The following MEGF6 variants were observed in gnomAD, a reference collection of about 807,000 sequenced individuals.
MEGF6 encodes multiple epidermal growth factor-like domains protein 6.
In MEGF6, 184 loss-of-function variants were observed where a neutral mutation model predicts 207.1. That is an observed-to-expected ratio of 0.89 (90% CI 0.79 to 1.00). The LOEUF (loss-of-function observed/expected upper bound fraction) is 1.00, where lower values mean the gene tolerates loss of function less well. Among genes scored for constraint, MEGF6 ranks in the 50% least tolerant of loss-of-function variants. The pLI, the probability that MEGF6 is intolerant of heterozygous loss-of-function variation, is 0.00. For synonymous variants in MEGF6, 1,038 were observed against 910.0 expected, an observed-to-expected ratio of 1.14 and a Z score of -2.53; for missense variants, 2,282 against 2,202.9, an observed-to-expected ratio of 1.04 and a Z score of -0.72.
At chr1:3,571,172 G>C (rs1445397641) in intron 4 of MEGF6, among the ~76,000 whole-genome samples, 1 of 152,104 alleles carries the variant, frequency 6.6e-6, no homozygotes, top group Non-Finnish European at 1.5e-5. Context: ...CATGGCCAGT[G>C]GCTGGGTTTT....
chr1:3,516,129 T>C (rs1469177157), intron 5 of MEGF6, among the ~76,000 whole-genome samples: 4 of 152,326 alleles, frequency 2.6e-5, no homozygotes, highest in African/African-American at 4.8e-5. Flanking sequence ...GCATTGCCCA[T>C]GCCCCCATTC....
intron 4 of MEGF6, among the ~76,000 whole-genome samples, chr1:3,567,009 G>C (rs780195750): frequency 6.6e-6 from 1 of 152,240 alleles, no homozygotes; most frequent in African/African-American, 2.4e-5. Context: ...AGGCCGTCCT[G>C]GCCAGGTGTA....
intron 4 of MEGF6, among the ~76,000 whole-genome samples, chr1:3,558,276 C>T (rs1643093877): frequency 6.6e-6 from 1 of 152,204 alleles, no homozygotes; most frequent in Non-Finnish European, 1.5e-5. Flanking sequence ...TCTCCCACTC[C>T]ACCAACTGGT....
At chr1:3,531,367 C>T (rs920363805) in intron 4 of MEGF6, 6 of 1,185,016 alleles carry the variant, frequency 5.1e-6, no homozygotes, top group Non-Finnish European at 6.3e-6. Context: ...CGCGCAATCC[C>T]AGCCCCGGGA....
intron 4 of MEGF6, among the ~76,000 whole-genome samples, chr1:3,550,824 C>T (rs892242707): frequency 6.6e-6 from 1 of 152,264 alleles, no homozygotes. Context: ...GGGGCCCACA[C>T]CCCCACCGCC....
chr1:3,523,675 C>T (rs374150109), intron 5 of MEGF6, among the ~76,000 whole-genome samples: 5 of 152,204 alleles, frequency 3.3e-5, no homozygotes, highest in Admixed American at 6.5e-5. Flanking sequence ...CAGGCCTCCT[C>T]GGCCAGCGTC....
chr1:3,517,302 C>T (rs1445108290), intron 5 of MEGF6, among the ~76,000 whole-genome samples: 2 of 152,304 alleles, frequency 1.3e-5, no homozygotes, highest in African/African-American at 4.8e-5. Context: ...CTCATCACCC[C>T]CTCCAGACAG....
At chr1:3,562,045 C>G (rs1241682436) in intron 4 of MEGF6, among the ~76,000 whole-genome samples, 1 of 152,222 alleles carries the variant, frequency 6.6e-6, no homozygotes, top group Non-Finnish European at 1.5e-5. Context: ...TGCTTAGCGG[C>G]TGCCCCAAAC....
chr1:3,542,009 G>T (rs950815684), intron 4 of MEGF6, among the ~76,000 whole-genome samples: 1 of 152,218 alleles, frequency 6.6e-6, no homozygotes, highest in African/African-American at 2.4e-5. Context: ...GCCGGGTCCG[G>T]CACCGAGAAG....
intron 23 of MEGF6, 95 bp downstream of exon 23, chr1:3,499,493 T>C: frequency 6.6e-7 from 1 of 1,508,098 alleles, no homozygotes; most frequent in Non-Finnish European, 8.9e-7. Flanking sequence ...CCTGGTAGCT[T>C]CAGACACTCA....
chr1:3,555,303 A>G (rs1643000726), intron 4 of MEGF6, among the ~76,000 whole-genome samples: 1 of 152,294 alleles, frequency 6.6e-6, no homozygotes, highest in Non-Finnish European at 1.5e-5. Flanking sequence ...ACCCACGCTC[A>G]GCTGGAAGCC....
In MEGF6 at chr1:3,490,499, G is replaced by C. The variant is rs148769380; in HGVS notation, c.*29C>G. The C allele has an allele frequency of 8.2e-4, 1,322 of 1,611,316 alleles. 5 individuals carry two copies. In the African/African-American group the frequency reaches 0.015, roughly 19 times the overall value. Reference sequence around the variant, plus strand: ...CCAGGGTCCCCTCTGGCTGGGACTGGAGAGGCGGGCTCCACGGGACTGCCT... The same window carrying C: ...CCAGGGTCCCCTCTGGCTGGGACTGCAGAGGCGGGCTCCACGGGACTGCCT... On this transcript the variant is annotated 3_prime_UTR_variant, in exon 37 of 37. Transcript: ENST00000356575.
chr1:3,580,182 C>T (rs994046593), intron 3 of MEGF6, among the ~76,000 whole-genome samples: 2 of 149,414 alleles, frequency 1.3e-5, no homozygotes, highest in African/African-American at 4.9e-5. Context: ...CTCACTTCAC[C>T]TAGATGGGGA....
the MEGF6 span, among the ~76,000 whole-genome samples, chr1:3,620,607 G>C: frequency 6.6e-6 from 1 of 152,252 alleles, no homozygotes; most frequent in Non-Finnish European, 1.5e-5. Context: ...GGGGAAATGT[G>C]GGGTGGGAGC....
chr1:3,600,111 G>T (rs1644135377), intron 2 of MEGF6, among the ~76,000 whole-genome samples: 1 of 152,146 alleles, frequency 6.6e-6, no homozygotes, highest in Non-Finnish European at 1.5e-5. Flanking sequence ...CCAGGAGCCT[G>T]CCCAGCCCTT....
intron 3 of MEGF6, among the ~76,000 whole-genome samples, chr1:3,583,522 G>A (rs865872934): frequency 1.6e-4 from 1 of 6,314 alleles, no homozygotes; most frequent in African/African-American, 6.6e-4. Flanking sequence ...CAGACAACGC[G>A]CAGCCACCAG....
At chr1:3,591,608 G>A (rs1050442811) in intron 3 of MEGF6, among the ~76,000 whole-genome samples, 18 of 152,132 alleles carry the variant, frequency 1.2e-4, no homozygotes, top group African/African-American at 4.3e-4. Context: ...TGATGGGGGC[G>A]CGGGCGAGGG....
At chr1:3,511,149 A>C (rs1641331663) in intron 9 of MEGF6, among the ~76,000 whole-genome samples, 1 of 152,214 alleles carries the variant, frequency 6.6e-6, no homozygotes, top group Non-Finnish European at 1.5e-5. Flanking sequence ...CACATGTCAC[A>C]GCCCCAGGGC....
At chr1:3,518,500 C>T (rs551643498) in intron 5 of MEGF6, among the ~76,000 whole-genome samples, 36 of 152,304 alleles carry the variant, frequency 2.4e-4, no homozygotes, top group African/African-American at 5.8e-4. Context: ...TCCTGGGCGG[C>T]GGAGGGAGTG....
Sources: gnomAD v4.1 joint callset for allele counts (sites outside exome capture counted in the v4.1 genomes callset) on GRCh38, gnomAD v4.1.1 for gene constraint, MANE v1.5 for transcripts, NCBI Gene and HGNC (gene_info 2026-07-23, HGNC 2026-07-21) for gene names.